Variants in TMEM132D observed in about 807,000 individuals in gnomAD.
TMEM132D encodes mature OL transmembrane protein.
Under a neutral mutation model 62.3 loss-of-function variants are expected in TMEM132D, and 21 were observed. The ratio of observed to expected loss-of-function variants is 0.34; its 90% CI spans 0.24 to 0.49. The LOEUF (loss-of-function observed/expected upper bound fraction) is 0.49, where lower values mean the gene tolerates loss of function less well. Ranked by LOEUF, TMEM132D falls within the 20% of genes least tolerant of loss-of-function variation. The pLI, the probability that TMEM132D is intolerant of heterozygous loss-of-function variation, is 0.99. For synonymous variants in TMEM132D, 621 were observed against 575.6 expected (o/e 1.08, Z -1.13); for missense variants, 1,346 against 1,402.8 (o/e 0.96, Z 0.65).
chr12:129,142,129 A>G (rs1486143591), intron 5 of TMEM132D, among the ~76,000 whole-genome samples: 1 of 152,100 alleles, frequency 6.6e-6, no homozygotes, highest in Non-Finnish European at 1.5e-5. Context: ...TTGGCCATAA[A>G]TAATGAATCA....
intron 1 of TMEM132D, among the ~76,000 whole-genome samples, chr12:129,876,498 G>T (rs1015313116): frequency 6.6e-6 from 1 of 152,164 alleles, no homozygotes; most frequent in Non-Finnish European, 1.5e-5. Flanking sequence ...GAACACATTT[G>T]TCAGGACCTT....
chr12:129,595,438 C>T (rs147360487), intron 2 of TMEM132D, among the ~76,000 whole-genome samples: 55 of 152,258 alleles, frequency 3.6e-4, no homozygotes, highest in Middle Eastern at 3.4e-3. Flanking sequence ...GAAGAGGTGT[C>T]GTAGCTTGAA....
At position 129,443,491 on chromosome 12, in the gene TMEM132D, G is replaced by C. The variant is rs904303159; in HGVS notation, c.1115+87568C>G. On this transcript the variant is annotated intron_variant, in intron 3 of 8. Transcript: ENST00000422113. ...TGGCCCACAGCCGAGGAACCGTGAC[G>C]CAAGGCTGTCCTTGGATACCCTCTC... 2.6e-5 allele frequency among the ~76,000 whole-genome samples: 4 copies of C among 152,246 alleles called. No homozygotes were observed. In the Middle Eastern group the frequency reaches 0.014, roughly 521 times the overall value.
intron 4 of TMEM132D, among the ~76,000 whole-genome samples, chr12:129,269,108 A>G (rs1344130894): frequency 1.3e-5 from 2 of 151,994 alleles, no homozygotes; most frequent in Non-Finnish European, 2.9e-5. Flanking sequence ...AACATGGCAC[A>G]TGTGTACATA....
chr12:129,800,141 C>T (rs1316540646), intron 1 of TMEM132D, among the ~76,000 whole-genome samples: 1 of 152,172 alleles, frequency 6.6e-6, no homozygotes, highest in African/African-American at 2.4e-5. Context: ...AAGAGAGTCT[C>T]TTATCATCTA....
intron 1 of TMEM132D, among the ~76,000 whole-genome samples, chr12:129,901,710 G>A (rs1458443586): frequency 1.3e-5 from 2 of 152,156 alleles, no homozygotes; most frequent in Non-Finnish European, 2.9e-5. Flanking sequence ...GTCTAATAAA[G>A]AAATCAGTAA....
intron 2 of TMEM132D, among the ~76,000 whole-genome samples, chr12:129,560,845 A>C (rs1312351223): frequency 6.6e-6 from 1 of 152,178 alleles, no homozygotes; most frequent in Admixed American, 6.5e-5. Context: ...TGAAACTTTC[A>C]TGTTAGTTCT....
chr12:129,756,924 G>A (rs1870186518), intron 1 of TMEM132D, among the ~76,000 whole-genome samples: 1 of 152,142 alleles, frequency 6.6e-6, no homozygotes, highest in African/African-American at 2.4e-5. Flanking sequence ...GGATGTCAGA[G>A]TCTCTCTCCC....
intron 3 of TMEM132D, among the ~76,000 whole-genome samples, chr12:129,439,262 AT>A (rs1872874340): frequency 6.6e-6 from 1 of 152,276 alleles, no homozygotes; most frequent in African/African-American, 2.4e-5. Context: ...GAAATATCTG[AT>A]GGTCAATATT....
chr12:129,673,187 C>A (rs1003517896), intron 2 of TMEM132D, among the ~76,000 whole-genome samples: 11 of 149,724 alleles, frequency 7.3e-5, no homozygotes, highest in African/African-American at 2.4e-4. Context: ...GCCCTAGCAA[C>A]CATGAATCGC....
At chr12:129,167,585 T>A (rs1877603328) in intron 5 of TMEM132D, among the ~76,000 whole-genome samples, 1 of 152,056 alleles carries the variant, frequency 6.6e-6, no homozygotes, top group Non-Finnish European at 1.5e-5. Flanking sequence ...TGAAGAAAGA[T>A]CAGGGGACCT....
At chr12:129,200,062 G>A (rs1231427763) in intron 5 of TMEM132D, among the ~76,000 whole-genome samples, 1 of 152,148 alleles carries the variant, frequency 6.6e-6, no homozygotes, top group East Asian at 1.9e-4. Context: ...AGTATGCAAA[G>A]TTTATGTGGT....
chr12:129,352,144 A>C (rs780401417), intron 3 of TMEM132D, among the ~76,000 whole-genome samples: 2 of 152,186 alleles, frequency 1.3e-5, no homozygotes, highest in Non-Finnish European at 2.9e-5. Flanking sequence ...CCCAGCCTCA[A>C]GATGTTTATG....
chr12:129,725,833 A>T (rs1869014727), intron 1 of TMEM132D, among the ~76,000 whole-genome samples: 1 of 152,210 alleles, frequency 6.6e-6, no homozygotes, highest in Non-Finnish European at 1.5e-5. Context: ...CCCTTGGCTG[A>T]CGTCTGGGAA....
intron 5 of TMEM132D, among the ~76,000 whole-genome samples, chr12:129,182,733 C>T (rs567442486): frequency 3.3e-5 from 5 of 152,338 alleles, no homozygotes; most frequent in African/African-American, 1.2e-4. Context: ...AATGTCTGGG[C>T]ACTGTGGCCC....
At chr12:129,729,355 T>A (rs1437748089) in intron 1 of TMEM132D, among the ~76,000 whole-genome samples, 2 of 152,204 alleles carry the variant, frequency 1.3e-5, no homozygotes, top group African/African-American at 4.8e-5. Context: ...CAGATAATTA[T>A]TTGTTGTGAC....
chr12:129,884,330 T>A (rs1314586148), intron 1 of TMEM132D, among the ~76,000 whole-genome samples: 1 of 152,230 alleles, frequency 6.6e-6, no homozygotes, highest in Admixed American at 6.5e-5. Context: ...TGCTATAGAC[T>A]GAGACAAAAT....
At chr12:129,144,108 G>A (rs1263665018) in intron 5 of TMEM132D, among the ~76,000 whole-genome samples, 1 of 151,954 alleles carries the variant, frequency 6.6e-6, no homozygotes, top group African/African-American at 2.4e-5. Flanking sequence ...CTAGCCCTGT[G>A]GTTTAGCTTC....
At position 129,815,929 on chromosome 12, in the gene TMEM132D, T is replaced by G. The variant is rs975984919; in HGVS notation, c.79+87332A>C. Among the ~76,000 whole-genome samples, 4 of 152,230 alleles carry G rather than the reference T, an allele frequency of 2.6e-5. No individual in the cohort carries two copies. The East Asian group carries it at 7.7e-4, about 29-fold the overall frequency. ...GCTTAGTTCTTCATCTGAATCCAGA[T>G]AGCCCGGGAAACCTTTAATTGGCAA... On this transcript the variant is annotated intron_variant, in intron 1 of 8. Transcript: ENST00000422113.
Sources: allele counts gnomAD v4.1 joint callset (sites outside exome capture counted in the v4.1 genomes callset), GRCh38; gene constraint gnomAD v4.1.1; transcripts MANE v1.5; gene names NCBI Gene and HGNC (gene_info 2026-07-23, HGNC 2026-07-21).